Variants in CPSF6 observed in about 807,000 individuals in gnomAD.
CPSF6 encodes cleavage and polyadenylation specific factor 6, also known as cleavage and polyadenylation specificity factor subunit 6.
CPSF6 carries 10 observed loss-of-function variants against 56.7 expected under a neutral mutation model. The ratio of observed to expected loss-of-function variants is 0.18; its 90% CI spans 0.11 to 0.30. CPSF6 has a LOEUF of 0.30. CPSF6 is among the 10% of genes least tolerant of loss of function. The probability of loss-of-function intolerance (pLI) is 1.00; values close to 1 mark genes in which losing one functional copy is unlikely to be tolerated. For missense variants in CPSF6, 419 were observed against 722.9 expected (o/e 0.58, Z 4.82); for synonymous variants, 248 against 244.8 (o/e 1.01, Z -0.12).
At chr12:69,248,781 A>G (rs958660760) in intron 1 of CPSF6, among the ~76,000 whole-genome samples, 2 of 152,158 alleles carry the variant, frequency 1.3e-5, no homozygotes, top group Non-Finnish European at 2.9e-5. Context: ...AATAAGTCTT[A>G]TAGACATTCT....
chr12:69,260,618 A>G (rs1268103140), intron 8 of CPSF6, among the ~76,000 whole-genome samples: 1 of 152,064 alleles, frequency 6.6e-6, no homozygotes, highest in Non-Finnish European at 1.5e-5. Flanking sequence ...GTCTCATTCT[A>G]ACTTCTTAGG....
Position 69,273,897 on chromosome 12 carries a change from T to A in CPSF6, c.*4389T>A, listed in dbSNP as rs942235875. ...ACAGCCCTGTACAGCCTTACAAAGTTGTTTTACAATTTTTAATGGAAAGCC... is the reference window on the plus strand; with the variant it reads ...ACAGCCCTGTACAGCCTTACAAAGTAGTTTTACAATTTTTAATGGAAAGCC... On this transcript the variant is annotated 3_prime_UTR_variant, in exon 10 of 10. Transcript: ENST00000435070. The A allele has an allele frequency of 6.6e-6, 1 of 152,064 alleles. No homozygotes were observed. Among genetic ancestry groups the A allele is most frequent in the East Asian group, 1.9e-4 (1 of 5,194 alleles). 9.4% of individuals were successfully genotyped at this position (152,064 alleles called of 1,614,324 possible).
At position 69,239,643 on chromosome 12, in the gene CPSF6, G is replaced by A. The variant is rs1055437347; in HGVS notation, c.-4G>A. Reference sequence around the variant, plus strand: ...GCGGCGGCGGCGGCCGAGGCTGAAGGAAGATGGCGGACGGCGTGGACCACA... The same window carrying A: ...GCGGCGGCGGCGGCCGAGGCTGAAGAAAGATGGCGGACGGCGTGGACCACA... On this transcript the variant is annotated 5_prime_UTR_variant, in exon 1 of 10. Transcript: ENST00000435070. 16 of 1,575,116 alleles carry A rather than the reference G, an allele frequency of 1.0e-5. No homozygotes were observed. The highest frequency in any genetic ancestry group is 1.2e-5 in the Non-Finnish European group (14 of 1,162,460).
intron 3 of CPSF6, among the ~76,000 whole-genome samples, chr12:69,254,772 T>C (rs1872427438): frequency 6.6e-6 from 1 of 152,170 alleles, no homozygotes; most frequent in South Asian, 2.1e-4. Context: ...TATTGAACAT[T>C]AGGGGGAAAA....
chr12:69,264,248 G>A (rs143866870), intron 9 of CPSF6, among the ~76,000 whole-genome samples: 6 of 151,900 alleles, frequency 3.9e-5, no homozygotes, highest in African/African-American at 1.4e-4. Context: ...TATTTTTTTG[G>A]ACTTTATAAG....
intron 2 of CPSF6, chr12:69,252,106 ACT>A (rs1337426360): frequency 2.2e-6 from 1 of 454,260 alleles, no homozygotes; most frequent in African/African-American, 2.0e-5. Flanking sequence ...AATTTGCAAA[ACT>A]CTGTCACCCA....
intron 8 of CPSF6, among the ~76,000 whole-genome samples, chr12:69,262,020 T>C (rs1180073714): frequency 6.6e-6 from 1 of 152,212 alleles, no homozygotes; most frequent in Non-Finnish European, 1.5e-5. Flanking sequence ...AACCATATTG[T>C]AGATGTTCTT....
At chr12:69,252,913 T>G (rs1360217379) in intron 2 of CPSF6, 138 bp from the exon 3 acceptor site, 4 of 511,520 alleles carry the variant, frequency 7.8e-6, no homozygotes, top group Non-Finnish European at 1.4e-5. Flanking sequence ...GGAGTCTGAC[T>G]GGCCATAACT....
chr12:69,250,024 G>A (rs945960052), intron 1 of CPSF6, among the ~76,000 whole-genome samples: 5 of 152,114 alleles, frequency 3.3e-5, no homozygotes, highest in Non-Finnish European at 7.4e-5. Flanking sequence ...TTTGTTCACT[G>A]AGAATAATAC....
intron 2 of CPSF6, 64 bp from the exon 3 acceptor site, chr12:69,252,987 A>G: frequency 3.3e-6 from 3 of 911,560 alleles, no homozygotes; most frequent in South Asian, 1.9e-5. Flanking sequence ...CTTAAAAACT[A>G]GACTGGGATA....
chr12:69,253,520 C>T (rs1872353344), intron 3 of CPSF6, among the ~76,000 whole-genome samples: 1 of 152,082 alleles, frequency 6.6e-6, no homozygotes, highest in Non-Finnish European at 1.5e-5. Flanking sequence ...GGATATTTTG[C>T]TTTATTTCAC....
chr12:69,253,213 T>C, intron 3 of CPSF6, 59 bp downstream of exon 3: 3 of 874,554 alleles, frequency 3.4e-6, no homozygotes, highest in Middle Eastern at 2.2e-4. Flanking sequence ...TTTTACAAGT[T>C]AACTTTCCTT....
intron 1 of CPSF6, among the ~76,000 whole-genome samples, chr12:69,249,572 CT>C (rs1453756389): frequency 1.3e-5 from 2 of 152,098 alleles, no homozygotes; most frequent in Non-Finnish European, 2.9e-5. Flanking sequence ...TTATAATTGT[CT>C]TTTTCCTTAT....
At chr12:69,250,999 A>G (rs942605741) in intron 1 of CPSF6, 130 bp from the exon 2 acceptor site, 56 of 918,546 alleles carry the variant, frequency 6.1e-5, no homozygotes, top group Non-Finnish European at 9.0e-5. Flanking sequence ...TAAAGTGGAA[A>G]AAGATTTGTA....
intron 9 of CPSF6, among the ~76,000 whole-genome samples, chr12:69,263,382 CTGT>C (rs1200575076): frequency 6.6e-6 from 1 of 151,904 alleles, no homozygotes; most frequent in Non-Finnish European, 1.5e-5. Context: ...GAAGAGTTGT[CTGT>C]TTATGCTTCA....
Position 69,259,242 on chromosome 12 carries a change from T to TA in CPSF6, c.1199+149dup. The stretch of plus-strand genomic sequence containing the variant: ...CTGCTACCCTGTTTTAGCTGAAAGA[T>TA]ACTGGTATAGGAGAATTTTTAGATT... On this transcript the variant is annotated intron_variant, in intron 6 of 9. Transcript: ENST00000435070. 18 of 1,231,564 alleles carry TA rather than the reference T, an allele frequency of 1.5e-5. 1 individual carries two copies. In the South Asian group the frequency reaches 2.8e-4, roughly 19 times the overall value. 76.3% of individuals were successfully genotyped at this position (1,231,564 alleles called of 1,614,324 possible). A position where few individuals can be genotyped will look rare whatever the true frequency, so the allele number is the denominator to read the frequency against.
Position 69,264,136 on chromosome 12 carries a change from T to G in CPSF6, c.*3+1574T>G, listed in dbSNP as rs376820966. On this transcript the variant is annotated intron_variant, in intron 9 of 9. Coordinates refer to ENST00000435070, the MANE Select transcript of CPSF6 (RefSeq NM_007007.3). ...CATCTTAATGAAAAAATTCTCAATA[T>G]CCATCAGTTGCTTAAACTGGATTGT... Among the ~76,000 whole-genome samples the G allele has an allele frequency of 3.9e-5, 6 of 152,206 alleles. No homozygotes were observed. In the South Asian group the frequency reaches 6.2e-4, roughly 16 times the overall value.
chr12:69,249,096 A>C (rs1004425629), intron 1 of CPSF6, among the ~76,000 whole-genome samples: 3 of 143,852 alleles, frequency 2.1e-5, no homozygotes, highest in Non-Finnish European at 4.5e-5. Flanking sequence ...CCATCTCTAC[A>C]AAAAATACAA....
intron 9 of CPSF6, among the ~76,000 whole-genome samples, chr12:69,265,168 C>CT (rs1485150777): frequency 2.0e-5 from 3 of 151,928 alleles, no homozygotes; most frequent in African/African-American, 7.3e-5. Context: ...TATTCAATAT[C>CT]TAAGTTCAAA....
Sources: allele counts gnomAD v4.1 joint callset (sites outside exome capture counted in the v4.1 genomes callset), GRCh38; gene constraint gnomAD v4.1.1; transcripts MANE v1.5; gene names NCBI Gene and HGNC (gene_info 2026-07-23, HGNC 2026-07-21).